The following CDH13 variants were observed in gnomAD, a reference collection of about 807,000 sequenced individuals.
The protein encoded by CDH13 is cadherin 13, also known as cadherin-13.
CDH13 carries 24 observed loss-of-function variants against 63.8 expected under a neutral mutation model. That is an observed-to-expected ratio of 0.38 (90% CI 0.27 to 0.53). The LOEUF (loss-of-function observed/expected upper bound fraction) is 0.53. Among genes scored for constraint, CDH13 ranks in the 20% least tolerant of loss-of-function variants. CDH13 has a pLI of 0.85. For synonymous variants in CDH13, 503 were observed against 355.3 expected, an observed-to-expected ratio of 1.42 and a Z score of -4.67; for missense variants, 1,049 against 903.1, an observed-to-expected ratio of 1.16 and a Z score of -2.07.
At chr16:82,643,756 T>G (rs572539225) in intron 1 of CDH13, among the ~76,000 whole-genome samples, 4 of 152,164 alleles carry the variant, frequency 2.6e-5, no homozygotes, top group Non-Finnish European at 5.9e-5. Flanking sequence ...TTACTGACTT[T>G]TTTTAAGACA....
chr16:82,743,223 T>G (rs1670082354), intron 1 of CDH13, among the ~76,000 whole-genome samples: 1 of 152,132 alleles, frequency 6.6e-6, no homozygotes, highest in Admixed American at 6.5e-5. Context: ...TGTAGACCAG[T>G]GCTAATATGT....
chr16:83,092,513 A>T (rs1403511307), intron 3 of CDH13, among the ~76,000 whole-genome samples: 2 of 152,226 alleles, frequency 1.3e-5, no homozygotes, highest in Non-Finnish European at 2.9e-5. Context: ...CCTTTTGAGC[A>T]CCAGGCTGAT....
At chr16:82,852,645 G>A (rs2039539200) in intron 1 of CDH13, among the ~76,000 whole-genome samples, 1 of 152,182 alleles carries the variant, frequency 6.6e-6, no homozygotes, top group African/African-American at 2.4e-5. Context: ...CTTATAGCTT[G>A]AAAAGGTATT....
chr16:82,653,169 G>A (rs989222207), intron 1 of CDH13, among the ~76,000 whole-genome samples: 11 of 152,126 alleles, frequency 7.2e-5, no homozygotes, highest in African/African-American at 2.7e-4. Flanking sequence ...TTTTCCAAGT[G>A]TCTGTGAAGA....
intron 9 of CDH13, among the ~76,000 whole-genome samples, chr16:83,673,257 A>C (rs117914027): frequency 4.1e-4 from 62 of 152,326 alleles, no homozygotes; most frequent in Non-Finnish European, 7.8e-4. Context: ...TACGTAGTAC[A>C]TACATTCGTT....
At chr16:82,712,270 G>A (rs1458698957) in intron 1 of CDH13, among the ~76,000 whole-genome samples, 4 of 152,124 alleles carry the variant, frequency 2.6e-5, no homozygotes, top group African/African-American at 9.7e-5. Context: ...AAAGGCTGGT[G>A]TAATTTAGAG....
chr16:83,281,806 G>A lies in CDH13; in HGVS notation c.637-63056G>A, dbSNP rs146174280. On this transcript the variant is annotated intron_variant, in intron 5 of 13. Transcript: ENST00000567109. ...CGCGCACCTGTAATCCCAGCTACTC[G>A]GGAGGCTGAGGCAGGAGAATTGCTT... Among the ~76,000 whole-genome samples the A allele has an allele frequency of 9.9e-3, 1,500 of 151,720 alleles. 26 individuals are homozygous for A. The highest frequency in any genetic ancestry group is 0.034 in the African/African-American group (1,400 of 41,316).
chr16:82,684,530 C>G (rs1914868837), intron 1 of CDH13, among the ~76,000 whole-genome samples: 1 of 152,110 alleles, frequency 6.6e-6, no homozygotes, highest in Admixed American at 6.5e-5. Flanking sequence ...ATGCATACCA[C>G]AGACTCACCA....
intron 3 of CDH13, among the ~76,000 whole-genome samples, chr16:83,095,182 A>T (rs1017743585): frequency 1.3e-5 from 2 of 152,240 alleles, no homozygotes; most frequent in Admixed American, 1.3e-4. Context: ...GCTGATGCCA[A>T]GCTACAAACA....
chr16:82,670,815 G>C (rs1913152675), intron 1 of CDH13, among the ~76,000 whole-genome samples: 1 of 152,184 alleles, frequency 6.6e-6, no homozygotes, highest in Admixed American at 6.5e-5. Flanking sequence ...TATCATTTCA[G>C]AACATCTGGC....
chr16:83,474,466 C>G (rs909774866), intron 6 of CDH13, among the ~76,000 whole-genome samples: 7 of 152,114 alleles, frequency 4.6e-5, no homozygotes, highest in South Asian at 2.1e-4. Flanking sequence ...GAGTCTCAGA[C>G]ATCAAGAGAA....
At chr16:82,784,541 C>G (rs528501154) in intron 1 of CDH13, among the ~76,000 whole-genome samples, 1 of 152,200 alleles carries the variant, frequency 6.6e-6, no homozygotes, top group Non-Finnish European at 1.5e-5. Flanking sequence ...GCTGAGGATA[C>G]AGCTGTCCAC....
At chr16:83,351,641 G>C (rs2090953924) in intron 6 of CDH13, among the ~76,000 whole-genome samples, 1 of 152,176 alleles carries the variant, frequency 6.6e-6, no homozygotes, top group Non-Finnish European at 1.5e-5. Context: ...ATCGATTTAA[G>C]TTGTTTTCAC....
chr16:82,627,944 C>A (rs910589093), intron 1 of CDH13, among the ~76,000 whole-genome samples: 1 of 152,258 alleles, frequency 6.6e-6, no homozygotes, highest in African/African-American at 2.4e-5. Flanking sequence ...CCTTGCCCAC[C>A]CGGGCTGCAG....
chr16:82,960,539 C>T (rs556443541), intron 2 of CDH13, among the ~76,000 whole-genome samples: 71 of 152,286 alleles, frequency 4.7e-4, no homozygotes, highest in African/African-American at 1.5e-3. Flanking sequence ...CGATGCAAAG[C>T]GTGGCATAGT....
chr16:83,204,883 T>C (rs2039137462), intron 4 of CDH13, among the ~76,000 whole-genome samples: 1 of 152,220 alleles, frequency 6.6e-6, no homozygotes, highest in East Asian at 1.9e-4. Flanking sequence ...AGGGAATGTA[T>C]CTAGGCACAC....
chr16:82,879,739 TTA>T (rs972312898), intron 2 of CDH13, among the ~76,000 whole-genome samples: 1 of 138,434 alleles, frequency 7.2e-6, no homozygotes, highest in Non-Finnish European at 1.5e-5. Context: ...TACATACTGA[TTA>T]TATATGAGTA....
Position 83,057,401 on chromosome 16 carries a change from G to C in CDH13, c.366+25183G>C, listed in dbSNP as rs527446444. Among the ~76,000 whole-genome samples the C allele has an allele frequency of 4.6e-5, 7 of 152,264 alleles. No homozygotes were observed. In the East Asian group the frequency reaches 1.3e-3, roughly 29 times the overall value. ...TGTATGTCTTCATCTTTATGGTGGTGACATAGGTGTGTTCACTCAAAAAAA... is the reference window on the plus strand; with the variant it reads ...TGTATGTCTTCATCTTTATGGTGGTCACATAGGTGTGTTCACTCAAAAAAA... On this transcript the variant is annotated intron_variant, in intron 3 of 13. Coordinates refer to ENST00000567109, the MANE Select transcript of CDH13 (RefSeq NM_001257.5).
At chr16:83,487,505 C>G (rs2073917393) in intron 7 of CDH13, among the ~76,000 whole-genome samples, 1 of 152,142 alleles carries the variant, frequency 6.6e-6, no homozygotes, top group South Asian at 2.1e-4. Context: ...CCCCTCTGGT[C>G]CTGCCCTTTC....
Sources: allele counts gnomAD v4.1 joint callset (sites outside exome capture counted in the v4.1 genomes callset), GRCh38; gene constraint gnomAD v4.1.1; transcripts MANE v1.5; gene names NCBI Gene and HGNC (gene_info 2026-07-23, HGNC 2026-07-21).